NRG1: variants seen among roughly 807,000 people sequenced by gnomAD.
NRG1 encodes the protein pro-neuregulin-1, membrane-bound isoform.
Under a neutral mutation model 63.8 loss-of-function variants are expected in NRG1, and 18 were observed. The ratio of observed to expected loss-of-function variants is 0.28; its 90% CI spans 0.19 to 0.42. The LOEUF (loss-of-function observed/expected upper bound fraction) is 0.42. Ranked by LOEUF, NRG1 falls within the 10% of genes least tolerant of loss-of-function variation. NRG1 has a pLI of 1.00. For missense variants in NRG1, 762 were observed against 814.7 expected, an observed-to-expected ratio of 0.94 and a Z score of 0.79; for synonymous variants, 302 against 301.3, an observed-to-expected ratio of 1.00 and a Z score of -0.02.
At chr8:32,728,897 C>A (rs1822946385) in intron 6 of NRG1, among the ~76,000 whole-genome samples, 1 of 151,842 alleles carries the variant, frequency 6.6e-6, no homozygotes, top group Non-Finnish European at 1.5e-5. Flanking sequence ...AACCCCGTCT[C>A]TACTAAAAAT....
chr8:32,025,871 G>C (rs1260366551), intron 1 of NRG1, among the ~76,000 whole-genome samples: 2 of 150,206 alleles, frequency 1.3e-5, no homozygotes, highest in Admixed American at 1.3e-4. Context: ...GCGTGAACCC[G>C]GGAGGCGGAG....
At chr8:31,665,491 G>A (rs866801814) in intron 1 of NRG1, among the ~76,000 whole-genome samples, 1 of 152,202 alleles carries the variant, frequency 6.6e-6, no homozygotes, top group African/African-American at 2.4e-5. Context: ...TAGAACTATT[G>A]AAGGAATTTC....
chr8:32,579,195 C>CTTTTTTTTTTTTTTTT (rs71208196), intron 1 of NRG1, among the ~76,000 whole-genome samples: 5 of 105,442 alleles, frequency 4.7e-5, no homozygotes, highest in Admixed American at 1.1e-4. Context: ...TTTCTTCTGT[C>CTTTTTTTTTTTTTTTT]TTTTTTTTTT....
chr8:32,552,262 T>G (rs1834300664), intron 1 of NRG1, among the ~76,000 whole-genome samples: 1 of 151,026 alleles, frequency 6.6e-6, no homozygotes, highest in African/African-American at 2.4e-5. Flanking sequence ...GACTCTAAGC[T>G]TCCTTTGTGA....
chr8:32,050,945 G>T (rs1412811451), intron 1 of NRG1, among the ~76,000 whole-genome samples: 6 of 152,200 alleles, frequency 3.9e-5, no homozygotes, highest in South Asian at 2.1e-4. Flanking sequence ...ATAACACAGA[G>T]AAAATATTAC....
At chr8:31,928,352 T>TAAAAAAAAAAA (rs77001238) in intron 1 of NRG1, among the ~76,000 whole-genome samples, 2 of 80,104 alleles carry the variant, frequency 2.5e-5, no homozygotes, top group African/African-American at 5.0e-5. Flanking sequence ...ATGGATGTGG[T>TAAAAAAAAAAA]AAAAAAAAAA....
At chr8:31,795,444 A>G (rs1012167455) in intron 1 of NRG1, among the ~76,000 whole-genome samples, 1 of 152,230 alleles carries the variant, frequency 6.6e-6, no homozygotes, top group Non-Finnish European at 1.5e-5. Context: ...TGAAAGACAC[A>G]GCAATTAAGC....
chr8:32,510,097 A>AAATAATAATAATAAT (rs57367955), intron 1 of NRG1, among the ~76,000 whole-genome samples: 35 of 139,128 alleles, frequency 2.5e-4, no homozygotes, highest in African/African-American at 7.6e-4. Context: ...TCCTAGACAA[A>AAATAATAATAATAAT]AATAATAATA....
chr8:32,714,460 T>C (rs1589370834), intron 5 of NRG1, among the ~76,000 whole-genome samples: 1 of 152,258 alleles, frequency 6.6e-6, no homozygotes, highest in East Asian at 1.9e-4. Flanking sequence ...GGATTCAAGA[T>C]GGACTACTGC....
At chr8:32,437,915 G>A (rs915113794) in intron 1 of NRG1, among the ~76,000 whole-genome samples, 1 of 151,908 alleles carries the variant, frequency 6.6e-6, no homozygotes, top group Non-Finnish European at 1.5e-5. Flanking sequence ...TGTTGTTTGT[G>A]GAAACCATAA....
downstream of NRG1, among the ~76,000 whole-genome samples, chr8:32,771,588 T>C (rs1271988451): frequency 6.6e-6 from 1 of 150,480 alleles, no homozygotes; most frequent in Non-Finnish European, 1.5e-5. Context: ...GTTTTAATAA[T>C]ACTACCTCCA....
At chr8:32,356,781 CA>C (rs766191274) in intron 1 of NRG1, among the ~76,000 whole-genome samples, 189 of 152,278 alleles carry the variant, frequency 1.2e-3, no homozygotes, top group Non-Finnish European at 2.5e-3. Flanking sequence ...AAGACACACC[CA>C]TTGATCTCAT....
chr8:32,166,349 T>A (rs1426339728), intron 1 of NRG1, among the ~76,000 whole-genome samples: 2 of 152,188 alleles, frequency 1.3e-5, no homozygotes, highest in Non-Finnish European at 2.9e-5. Flanking sequence ...GATATTTACA[T>A]ATCTCCAGCT....
rs200210196 is a variant in NRG1, at chr8:32,605,698, C to T, written c.400+15C>T. 3.6e-4 allele frequency: 581 copies of T among 1,611,356 alleles called. 2 individuals carry two copies. Among genetic ancestry groups the T allele is most frequent in the Non-Finnish European group, 4.6e-4 (547 of 1,178,338 alleles). ...GGAATCAAACGGTAAGAGATACCTA[C>T]GGTATTCTGTTCCTCAATCTGTAAC... On this transcript the variant is annotated intron_variant, in intron 3 of 11. Coordinates refer to ENST00000356819, the Ensembl canonical transcript of NRG1.
intron 1 of NRG1, among the ~76,000 whole-genome samples, chr8:32,237,791 G>A (rs991031355): frequency 2.6e-5 from 4 of 151,862 alleles, no homozygotes; most frequent in Admixed American, 6.6e-5. Context: ...TTATCATTTC[G>A]TTTTTGACTT....
chr8:31,805,580 G>A (rs920346597), intron 1 of NRG1, among the ~76,000 whole-genome samples: 2 of 152,164 alleles, frequency 1.3e-5, no homozygotes, highest in Middle Eastern at 3.4e-3. Flanking sequence ...TGTAATCCCA[G>A]CACTTTGGGA....
chr8:31,763,900 A>C (rs1460533991), intron 1 of NRG1, among the ~76,000 whole-genome samples: 1 of 151,688 alleles, frequency 6.6e-6, no homozygotes, highest in African/African-American at 2.4e-5. Context: ...CAGTGAGCCA[A>C]GATCGCGCCA....
chr8:32,183,996 A>G (rs1841703968), intron 1 of NRG1, among the ~76,000 whole-genome samples: 1 of 152,136 alleles, frequency 6.6e-6, no homozygotes, highest in Admixed American at 6.6e-5. Context: ...CAACTAGGGT[A>G]TATAGTTTAG....
intron 7 of NRG1, among the ~76,000 whole-genome samples, chr8:32,745,452 G>A (rs1827240253): frequency 6.6e-6 from 1 of 152,132 alleles, no homozygotes. Flanking sequence ...TGGTCAGAAT[G>A]TCCAATGAGC....
Sources: allele counts gnomAD v4.1 joint callset (sites outside exome capture counted in the v4.1 genomes callset), GRCh38; gene constraint gnomAD v4.1.1; transcripts MANE v1.5; gene names NCBI Gene and HGNC (gene_info 2026-07-23, HGNC 2026-07-21).